The following RGS5 variants were observed in gnomAD, a reference collection of about 807,000 sequenced individuals.
RGS5 encodes regulator of G protein signaling 5.
Under a neutral mutation model 18.9 loss-of-function variants are expected in RGS5, and 20 were observed. That is an observed-to-expected ratio of 1.06 (90% CI 0.74 to 1.54). RGS5 has a LOEUF of 1.54. RGS5 is among the 40% of genes most tolerant of loss of function. The pLI is 0.00. For synonymous variants in RGS5, 57 were observed against 76.2 expected (o/e 0.75, Z 1.31); for missense variants, 201 against 211.8 (o/e 0.95, Z 0.32).
chr1:163,262,109 T>C (rs922113167), intron 2 of RGS5, among the ~76,000 whole-genome samples: 1 of 151,278 alleles, frequency 6.6e-6, no homozygotes, highest in Non-Finnish European at 1.5e-5. Context: ...GAGAAGCCAG[T>C]CTATGTTCTG....
chr1:163,318,240 G>T (rs1050781023), intron 1 of RGS5, among the ~76,000 whole-genome samples: 2 of 152,164 alleles, frequency 1.3e-5, no homozygotes, highest in African/African-American at 4.8e-5. Flanking sequence ...AGACTGGGAA[G>T]GAAAACAGTG....
chr1:163,218,161 G>T (rs1177444382), upstream of RGS5, among the ~76,000 whole-genome samples: 1 of 152,164 alleles, frequency 6.6e-6, no homozygotes, highest in Non-Finnish European at 1.5e-5. Flanking sequence ...CTTCATCAGG[G>T]CTCCATGTGT....
At chr1:163,205,625 T>G (rs1466449388), upstream of RGS5, among the ~76,000 whole-genome samples, 2 of 151,930 alleles carry the variant, frequency 1.3e-5, no homozygotes, top group Admixed American at 1.3e-4. Context: ...AGGGGGGTGC[T>G]TCAAAGAGAT....
chr1:163,215,022 T>C (rs1460983466), intron 1 of RGS5, among the ~76,000 whole-genome samples: 5 of 152,204 alleles, frequency 3.3e-5, no homozygotes, highest in Admixed American at 6.5e-5. Context: ...CTTTTATCAT[T>C]TACTACAAAC....
At chr1:163,247,790 T>C (rs912925067) in intron 2 of RGS5, among the ~76,000 whole-genome samples, 2 of 152,144 alleles carry the variant, frequency 1.3e-5, no homozygotes, top group African/African-American at 4.8e-5. Context: ...CAATATTTTA[T>C]TGCTCCTAAG....
intron 2 of RGS5, among the ~76,000 whole-genome samples, chr1:163,233,915 G>A (rs893076188): frequency 6.6e-6 from 1 of 152,194 alleles, no homozygotes; most frequent in Non-Finnish European, 1.5e-5. Context: ...TGGAATCACA[G>A]CTAAGGCAGG....
At chr1:163,289,520 T>G (rs1032154103) in intron 2 of RGS5, among the ~76,000 whole-genome samples, 1 of 152,156 alleles carries the variant, frequency 6.6e-6, no homozygotes, top group Admixed American at 6.6e-5. Flanking sequence ...CCTGAATTTC[T>G]AAGAACCTGT....
chr1:163,294,629 C>T (rs1367566140), intron 2 of RGS5, among the ~76,000 whole-genome samples: 4 of 152,228 alleles, frequency 2.6e-5, no homozygotes, highest in African/African-American at 9.6e-5. Flanking sequence ...CATTTGGCTC[C>T]TGATTACTTA....
At chr1:163,257,701 C>T (rs1336179510) in intron 2 of RGS5, among the ~76,000 whole-genome samples, 5 of 152,158 alleles carry the variant, frequency 3.3e-5, no homozygotes, top group Admixed American at 6.5e-5. Flanking sequence ...GAGGCCTAGA[C>T]AAAGATACCA....
intron 1 of RGS5, among the ~76,000 whole-genome samples, chr1:163,308,936 T>C (rs570272363): frequency 6.6e-6 from 1 of 152,350 alleles, no homozygotes; most frequent in South Asian, 2.1e-4. Flanking sequence ...ACACAAATCC[T>C]AAGTTAAAAA....
intron 2 of RGS5, among the ~76,000 whole-genome samples, chr1:163,253,127 T>G (rs1047600912): frequency 6.6e-6 from 1 of 152,140 alleles, no homozygotes; most frequent in African/African-American, 2.4e-5. Context: ...AACATCTTCC[T>G]AATAAAAACA....
chr1:163,188,129 A>T (rs1261177371), intron 1 of RGS5, among the ~76,000 whole-genome samples: 1 of 152,164 alleles, frequency 6.6e-6, no homozygotes, highest in Non-Finnish European at 1.5e-5. Context: ...CACTGCACTC[A>T]GTTACTAAAA....
At chr1:163,221,397 C>T (rs1647225764), upstream of RGS5, among the ~76,000 whole-genome samples, 2 of 151,866 alleles carry the variant, frequency 1.3e-5, no homozygotes, top group Admixed American at 1.3e-4. Context: ...CTTGGGAGGC[C>T]AAGGTAGAAG....
At chr1:163,200,085 T>C (rs1659716745) in intron 1 of RGS5, among the ~76,000 whole-genome samples, 1 of 152,156 alleles carries the variant, frequency 6.6e-6, no homozygotes, top group Admixed American at 6.6e-5. Context: ...CTCGAAAACA[T>C]GTTAGAGAAC....
At chr1:163,298,940 C>T (rs1428370603) in intron 2 of RGS5, among the ~76,000 whole-genome samples, 5 of 152,092 alleles carry the variant, frequency 3.3e-5, no homozygotes. Flanking sequence ...AAAATAAAAT[C>T]CATGCTTGCC....
intron 2 of RGS5, among the ~76,000 whole-genome samples, chr1:163,243,272 C>G (rs7526098): frequency 1.6e-3 from 236 of 152,216 alleles, no homozygotes; most frequent in African/African-American, 5.3e-3. Context: ...AGGGGAACAT[C>G]ACACACTGGG....
intron 2 of RGS5, among the ~76,000 whole-genome samples, chr1:163,306,005 CT>C (rs1405474551): frequency 6.6e-6 from 1 of 151,994 alleles, no homozygotes; most frequent in Non-Finnish European, 1.5e-5. Flanking sequence ...TTTTTTTAAT[CT>C]TTTTTATGAC....
chr1:163,161,880 A>G (rs1557883803), intron 3 of RGS5, 35 bp downstream of exon 3: 1 of 1,542,456 alleles, frequency 6.5e-7, no homozygotes, highest in East Asian at 2.3e-5. Flanking sequence ...CTCTAACCTG[A>G]CCTTTATTTA....
intron 1 of RGS5, chr1:163,319,084 C>T (rs1650109040): frequency 2.6e-5 from 4 of 152,082 alleles, no homozygotes; most frequent in African/African-American, 9.7e-5. Context: ...CTTTTTGTCC[C>T]TATTGATCTG....
Sources: allele counts gnomAD v4.1 joint callset (sites outside exome capture counted in the v4.1 genomes callset), GRCh38; gene constraint gnomAD v4.1.1; transcripts MANE v1.5; gene names NCBI Gene and HGNC (gene_info 2026-07-23, HGNC 2026-07-21).